Variants in KDM4A observed in about 807,000 individuals in gnomAD.
KDM4A encodes lysine demethylase 4A.
Under a neutral mutation model 127.1 loss-of-function variants are expected in KDM4A, and 23 were observed. The ratio of observed to expected loss-of-function variants is 0.18; its 90% CI spans 0.13 to 0.26. The LOEUF (loss-of-function observed/expected upper bound fraction) is 0.26. KDM4A is among the 10% of genes least tolerant of loss of function. The pLI, the probability that KDM4A is intolerant of heterozygous loss-of-function variation, is 1.00. For missense variants in KDM4A, 890 were observed against 1,329.1 expected (o/e 0.67, Z 5.14); for synonymous variants, 443 against 466.5 (o/e 0.95, Z 0.65).
rs150381773 is a variant in KDM4A at position 43,671,735 on chromosome 1, T to C, written c.1594T>C (p.Ser532Pro). Residue 532 changes from serine to proline, a missense_variant, in exon 11 of 22, where the codon TCC becomes CCC. By Grantham distance (74) the Ser-to-Pro change is moderately conservative (BLOSUM62 -1). This residue lies in a region of KDM4A where 389 missense variants were observed against 485.9 expected (regional missense o/e 0.80). Transcript: ENST00000372396. ...SSDSETSEPL[S>P]CRAQGQTGVL... ...TGATTCAGAAACTAGTGAGCCTCTC[T>C]CCTGCCGAGCCCAAGGGCAAACGGG... 5.8e-5 allele frequency: 93 copies of C among 1,613,970 alleles called. No individual in the cohort carries two copies. In the African/African-American group the frequency reaches 1.1e-3, roughly 20 times the overall value.
In KDM4A at chr1:43,662,902, T is replaced by C; in HGVS notation, c.438T>C (p.Asp146=). The part of the protein sequence containing the change: ...VNGTLYEKHV[D]EWNIGRLRTI... Reference sequence around the variant, plus strand: ...TGTCATTGCCTTTGCAGCATGTTGATGAGTGGAATATTGGCCGGCTGAGAA... The same window carrying C: ...TGTCATTGCCTTTGCAGCATGTTGACGAGTGGAATATTGGCCGGCTGAGAA... The change falls in exon 5 of 22, where the codon GAT becomes GAC. Residue 146 remains aspartate, a synonymous_variant. Coordinates refer to ENST00000372396, the MANE Select transcript of KDM4A (RefSeq NM_014663.3). The C allele has an allele frequency of 6.2e-7, 1 of 1,611,414 alleles. No individual in the cohort carries two copies. The highest frequency in any genetic ancestry group is 8.5e-7 in the Non-Finnish European group (1 of 1,178,410).
At chr1:43,674,869 C>A (rs1660706435) in intron 11 of KDM4A, among the ~76,000 whole-genome samples, 1 of 152,100 alleles carries the variant, frequency 6.6e-6, no homozygotes. Context: ...CATGGAAGCA[C>A]TCAGCTTCCA....
At chr1:43,679,186 C>G (rs1660804156) in intron 11 of KDM4A, among the ~76,000 whole-genome samples, 1 of 152,162 alleles carries the variant, frequency 6.6e-6, no homozygotes, top group South Asian at 2.1e-4. Flanking sequence ...GTACTAGTTT[C>G]TTAATGCCCT....
At chr1:43,686,877 A>C (rs904288929) in intron 12 of KDM4A, among the ~76,000 whole-genome samples, 2 of 152,248 alleles carry the variant, frequency 1.3e-5, no homozygotes, top group African/African-American at 4.8e-5. Context: ...GAAATTTTAC[A>C]TATGTAAACT....
At chr1:43,659,157 G>T (rs1323727842) in intron 3 of KDM4A, among the ~76,000 whole-genome samples, 1 of 152,040 alleles carries the variant, frequency 6.6e-6, no homozygotes, top group Non-Finnish European at 1.5e-5. Context: ...ACCAGATGTG[G>T]TGGTGTACAC....
Position 43,694,942 on chromosome 1 carries a change from A to C in KDM4A, c.2670+48A>C. On this transcript the variant is annotated intron_variant, in intron 18 of 21. Transcript: ENST00000372396. The surrounding 1 kb of genome is among the most constrained non-coding windows in gnomAD (Gnocchi z 5.2). ...AATCCTCTTGACAGTTTTCATGGTC[A>C]TTTTCTCTGCATGTTTTCCATTTGT... 6.6e-7 allele frequency: 1 copy of C among 1,507,862 alleles called. No individual in the cohort carries two copies. The highest frequency in any genetic ancestry group is 9.0e-7 in the Non-Finnish European group (1 of 1,105,680). 93.4% of individuals were successfully genotyped at this position (1,507,862 alleles called of 1,614,324 possible).
chr1:43,658,620 CA>C (rs1416092363), intron 3 of KDM4A, among the ~76,000 whole-genome samples: 7 of 151,538 alleles, frequency 4.6e-5, no homozygotes, highest in African/African-American at 1.7e-4. Context: ...TCTCCTGCCT[CA>C]GCTTCCCAAG....
rs1324497870 is a variant in KDM4A at position 43,690,985 on chromosome 1, T to C, written c.2178T>C (p.Tyr726=). The C allele has an allele frequency of 2.0e-5, 33 of 1,614,070 alleles. No homozygotes were observed. Among genetic ancestry groups the C allele is most frequent in the Non-Finnish European group, 2.7e-5 (32 of 1,180,040 alleles). Residue 726 remains tyrosine, a synonymous_variant, in exon 14 of 22, where the codon TAT becomes TAC. Coordinates refer to ENST00000372396, the MANE Select transcript of KDM4A (RefSeq NM_014663.3). ...CSTDINLSTP[Y]LEEDGTSILV... Reference sequence around the variant, plus strand: ...CGGACATCAACCTTTCTACTCCTTATCTTGAGGAGGATGGCACCAGCATAC... The same window carrying C: ...CGGACATCAACCTTTCTACTCCTTACCTTGAGGAGGATGGCACCAGCATAC...
chr1:43,653,223 C>T lies in KDM4A; in HGVS notation c.48C>T (p.Thr16=). The T allele has an allele frequency of 1.2e-6, 2 of 1,613,646 alleles. No homozygotes were observed. Among genetic ancestry groups the T allele is most frequent in the Non-Finnish European group, 1.7e-6 (2 of 1,179,622 alleles). The change falls in exon 2 of 22, where the codon ACC becomes ACT. Residue 16 remains threonine (T), a synonymous_variant. Coordinates refer to ENST00000372396, the MANE Select transcript of KDM4A (RefSeq NM_014663.3). ...ETLNPSARIM[T]FYPTMEEFRN... Reference sequence around the variant, plus strand: ...TGAATCCCAGTGCTAGGATAATGACCTTTTATCCAACTATGGAAGAGTTCC... The same window carrying T: ...TGAATCCCAGTGCTAGGATAATGACTTTTTATCCAACTATGGAAGAGTTCC...
chr1:43,661,266 C>T (rs867077757), intron 4 of KDM4A, among the ~76,000 whole-genome samples: 7 of 151,734 alleles, frequency 4.6e-5, no homozygotes, highest in South Asian at 4.2e-4. Context: ...TGAGCCACTG[C>T]GCTTGGCCCA....
At chr1:43,659,146 C>T (rs967354387) in intron 3 of KDM4A, among the ~76,000 whole-genome samples, 4 of 151,928 alleles carry the variant, frequency 2.6e-5, no homozygotes, top group Admixed American at 6.6e-5. Context: ...AAAATAAAAA[C>T]ACCAGATGTG....
intron 19 of KDM4A, among the ~76,000 whole-genome samples, chr1:43,700,659 C>T (rs1363939558): frequency 6.6e-6 from 1 of 151,530 alleles, no homozygotes; most frequent in Admixed American, 6.6e-5. Context: ...TGGGCTCAAG[C>T]GATTTCTTTT....
rs1220833010 is a variant in KDM4A at position 43,688,702 on chromosome 1, G to T, written c.1856-212G>T. On this transcript the variant is annotated intron_variant, in intron 12 of 21. Coordinates refer to ENST00000372396, the MANE Select transcript of KDM4A (RefSeq NM_014663.3). This position sits in a 1 kb window ranked among gnomAD's most constrained non-coding sequence, Gnocchi z 4.4. ...ATGAGTCAGTCTGGCCAGAGAATGG[G>T]GTACTGGCAGGACTCCCTACACATC... is the stretch of plus-strand genomic sequence containing the variant. 1.3e-5 allele frequency among the ~76,000 whole-genome samples: 2 copies of T among 151,944 alleles called. No homozygotes were observed. The highest frequency in any genetic ancestry group is 2.9e-5 in the Non-Finnish European group (2 of 67,990).
chr1:43,671,069 T>C (rs1660607770), intron 10 of KDM4A, among the ~76,000 whole-genome samples: 1 of 152,224 alleles, frequency 6.6e-6, no homozygotes, highest in Non-Finnish European at 1.5e-5. Flanking sequence ...AAAATACATA[T>C]TCACATAGTG....
Position 43,671,763 on chromosome 1 carries a change from T to G in KDM4A, c.1622T>G (p.Val541Gly). The G allele has an allele frequency of 6.2e-7, 1 of 1,613,608 alleles. No individual in the cohort carries two copies. The highest frequency in any genetic ancestry group is 8.5e-7 in the Non-Finnish European group (1 of 1,179,828). Reference sequence around the variant, plus strand: ...TGCCGAGCCCAAGGGCAAACGGGAGTTCTCACTGTGCACAGTTATGCCAAA... The same window carrying G: ...TGCCGAGCCCAAGGGCAAACGGGAGGTCTCACTGTGCACAGTTATGCCAAA... ...LSCRAQGQTG[V>G]LTVHSYAKGD... Residue 541 changes from valine (V) to glycine (G), a missense_variant, in exon 11 of 22, where the codon GTT (valine) becomes GGT (glycine). Val to Gly is a moderately radical substitution (Grantham distance 109). This residue lies in a region of KDM4A where 389 missense variants were observed against 485.9 expected (regional missense o/e 0.80). Coordinates refer to ENST00000372396, the MANE Select transcript of KDM4A (RefSeq NM_014663.3).
intron 1 of KDM4A, 79 bp from the exon 2 acceptor site, chr1:43,653,058 T>C (rs1157539898): frequency 1.4e-6 from 1 of 714,538 alleles, no homozygotes; most frequent in African/African-American, 1.8e-5. Flanking sequence ...ATATTATCTT[T>C]TACTGTTTTC....
chr1:43,653,440 G>A lies in KDM4A; in HGVS notation c.138+127G>A, dbSNP rs151023816. The A allele has an allele frequency of 2.4e-3, 1,975 of 827,316 alleles. 4 individuals are homozygous for A. The highest frequency in any genetic ancestry group is 4.2e-3 in the Middle Eastern group (11 of 2,636). 51.2% of individuals were successfully genotyped at this position (827,316 alleles called of 1,614,324 possible). On this transcript the variant is annotated intron_variant, in intron 2 of 21. Coordinates refer to ENST00000372396, the MANE Select transcript of KDM4A (RefSeq NM_014663.3). Reference sequence around the variant, plus strand: ...TGGGGTGATGACTTTAGTGAATGCGGTTCTATTTGCAAGTTAATTCCCGTT... The same window carrying A: ...TGGGGTGATGACTTTAGTGAATGCGATTCTATTTGCAAGTTAATTCCCGTT...
At chr1:43,703,526 T>C (rs746157614) in intron 19 of KDM4A, 91 bp from the exon 20 acceptor site, 12 of 1,511,650 alleles carry the variant, frequency 7.9e-6, no homozygotes, top group Non-Finnish European at 1.1e-5. Flanking sequence ...ACAGTTACTT[T>C]GTCCTGGTTC....
At position 43,698,659 on chromosome 1, in the gene KDM4A, A is replaced by C. The variant is rs538958856; in HGVS notation, c.2841+646A>C. On this transcript the variant is annotated intron_variant, in intron 19 of 21. Coordinates refer to ENST00000372396, the MANE Select transcript of KDM4A (RefSeq NM_014663.3). ...GAATGAAACCATTTTTTCCTTTAAC[A>C]AATCAGGTATTGTCCCATGTTTATA... Among the ~76,000 whole-genome samples the C allele has an allele frequency of 4.5e-4, 69 of 152,314 alleles. 1 individual carries two copies. In the South Asian group the frequency reaches 0.014, roughly 30 times the overall value.
Sources: gnomAD v4.1 joint callset for allele counts (sites outside exome capture counted in the v4.1 genomes callset) on GRCh38, gnomAD v4.1.1 for gene constraint, gnomAD v4.1.1 regional missense constraint, Gnocchi (gnomAD v3.1) non-coding constraint, MANE v1.5 for transcripts, NCBI Gene and HGNC (gene_info 2026-07-23, HGNC 2026-07-21) for gene names.